The following SELP variants were observed in gnomAD, a reference collection of about 807,000 sequenced individuals.
SELP encodes the protein selectin P.
Under a neutral mutation model 104.1 loss-of-function variants are expected in SELP, and 92 were observed. The observed-to-expected ratio is 0.88, with a 90% CI of 0.75 to 1.05. The LOEUF (loss-of-function observed/expected upper bound fraction) is 1.05. SELP is among the 50% of genes least tolerant of loss of function. The pLI is 0.00. For synonymous variants in SELP, 397 were observed against 364.5 expected, an observed-to-expected ratio of 1.09 and a Z score of -1.01; for missense variants, 1,022 against 1,017.3, an observed-to-expected ratio of 1.00 and a Z score of -0.06.
intron 2 of SELP, 84 bp downstream of exon 2, chr1:169,619,045 C>T (rs1232851641): frequency 8.7e-7 from 1 of 1,151,844 alleles, no homozygotes; most frequent in Non-Finnish European, 1.3e-6. Context: ...AACCAACTGG[C>T]TACAATCCTT....
At chr1:169,601,467 C>T (rs1661908102) in intron 10 of SELP, among the ~76,000 whole-genome samples, 1 of 152,202 alleles carries the variant, frequency 6.6e-6, no homozygotes, top group Admixed American at 6.5e-5. Flanking sequence ...GCTCATTCCA[C>T]AGGAAGGAAT....
intron 3 of SELP, among the ~76,000 whole-genome samples, chr1:169,615,922 T>A (rs538977116): frequency 3.3e-5 from 5 of 152,298 alleles, no homozygotes; most frequent in African/African-American, 9.6e-5. Context: ...AGATGATTTA[T>A]CAAAGAAGCT....
rs774789899 is a variant in SELP at position 169,603,127 on chromosome 1, G to A, written c.1604C>T (p.Thr535Ile). ...QPLGSSSYKS[T>I]CQFICDEGYS... is the part of the protein sequence containing the mutation. ...TCCCTCGTCACAGATGAATTGACAT[G>A]TGGATTTATAACTGGAACTTCCAAG... is the stretch of plus-strand genomic sequence containing the variant. Residue 535 changes from threonine (T) to isoleucine (I), a missense_variant, in exon 10 of 17, where the codon ACA (threonine) becomes ATA (isoleucine). Physicochemically the swap from Thr to Ile is moderately conservative, Grantham distance 89. Coordinates refer to ENST00000263686, the MANE Select transcript of SELP (RefSeq NM_003005.4). 1.2e-6 allele frequency: 2 copies of A among 1,614,078 alleles called. No homozygotes were observed. The highest frequency in any genetic ancestry group is 1.1e-5 in the South Asian group (1 of 91,078).
At chr1:169,597,448 T>A (rs3917803) in intron 10 of SELP, among the ~76,000 whole-genome samples, 34,819 of 151,976 alleles carry the variant, frequency 0.23, 7,177 homozygotes, top group African/African-American at 0.56. Context: ...GAACTTACAA[T>A]GTCACCCTAT....
At chr1:169,596,635 C>T (rs981428787) in intron 11 of SELP, among the ~76,000 whole-genome samples, 1 of 152,214 alleles carries the variant, frequency 6.6e-6, no homozygotes, top group Non-Finnish European at 1.5e-5. Flanking sequence ...TGATGATTGA[C>T]CTCTCTGCAC....
At chr1:169,611,774 G>T (rs748239621) in intron 6 of SELP, 97 bp from the exon 7 acceptor site, 5 of 1,215,892 alleles carry the variant, frequency 4.1e-6, no homozygotes, top group African/African-American at 3.0e-5. Context: ...TGCAGGTGGA[G>T]CTAGCAAGAT....
At chr1:169,615,136 C>T (rs1012855098) in intron 3 of SELP, among the ~76,000 whole-genome samples, 1 of 152,174 alleles carries the variant, frequency 6.6e-6, no homozygotes, top group African/African-American at 2.4e-5. Flanking sequence ...ATGAATAAAT[C>T]TTTTTTCGAT....
At chr1:169,621,093 T>TTG (rs113157169) in intron 1 of SELP, among the ~76,000 whole-genome samples, 11,092 of 90,292 alleles carry the variant, frequency 0.12, 1,063 homozygotes, top group African/African-American at 0.2. Flanking sequence ...TGGTGTGGAG[T>TTG]TGTGTGTGTG....
chr1:169,591,412 C>T lies in SELP; in HGVS notation c.2438+14G>A, dbSNP rs1661348293. 6.4e-7 allele frequency: 1 copy of T among 1,567,722 alleles called. No homozygotes were observed. The highest frequency in any genetic ancestry group is 2.3e-5 in the East Asian group (1 of 43,664). The stretch of plus-strand genomic sequence containing the variant: ...TAGCAAAATTTACTCAATCATAAAA[C>T]ATTTCTACCTTACCTGTGAGGATTC... On this transcript the variant is annotated intron_variant, in intron 15 of 16. Transcript: ENST00000263686.
chr1:169,622,099 C>T (rs1291763808), intron 1 of SELP, among the ~76,000 whole-genome samples: 6 of 152,282 alleles, frequency 3.9e-5, no homozygotes, highest in East Asian at 3.9e-4. Flanking sequence ...AAAATTATAC[C>T]TTTTACTAAT....
intron 1 of SELP, among the ~76,000 whole-genome samples, chr1:169,621,328 G>T (rs1663121258): frequency 6.8e-6 from 1 of 147,374 alleles, no homozygotes; most frequent in African/African-American, 2.5e-5. Flanking sequence ...TCATGTCCTG[G>T]TGATGGATGA....
chr1:169,601,870 C>G (rs976456528), intron 10 of SELP, among the ~76,000 whole-genome samples: 2 of 141,172 alleles, frequency 1.4e-5, no homozygotes, highest in African/African-American at 5.0e-5. Context: ...AATAGGTAGT[C>G]CTACATTAAG....
rs763923613 is a variant in SELP, at chr1:169,617,093, G to A, written c.416C>T (p.Pro139Leu). 1.3e-5 allele frequency: 21 copies of A among 1,613,548 alleles called. No individual in the cohort carries two copies. Among genetic ancestry groups the A allele is most frequent in the African/African-American group, 5.4e-5 (4 of 74,734 alleles). Reference sequence around the variant, plus strand: ...ATCATTCCACTTGCCAGGGGCTGACGGACTCTTGATGTATATCTCCACGCA... The same window carrying A: ...ATCATTCCACTTGCCAGGGGCTGACAGACTCTTGATGTATATCTCCACGCA... ...EDCVEIYIKSPSAPGKWNDEH... is the reference protein window; with the variant it reads ...EDCVEIYIKSLSAPGKWNDEH... The change falls in exon 3 of 17, where the codon CCG becomes CTG. Residue 139 changes from proline (P) to leucine (L), a missense_variant. Coordinates refer to ENST00000263686, the MANE Select transcript of SELP (RefSeq NM_003005.4).
intron 1 of SELP, among the ~76,000 whole-genome samples, chr1:169,626,496 G>T (rs756217851): frequency 2.0e-5 from 3 of 152,198 alleles, no homozygotes; most frequent in Admixed American, 6.5e-5. Context: ...CAGGAGAATC[G>T]CTTGAACCCA....
intron 1 of SELP, among the ~76,000 whole-genome samples, chr1:169,620,685 T>G (rs563336751): frequency 2.4e-4 from 37 of 152,050 alleles, no homozygotes; most frequent in African/African-American, 8.0e-4. Flanking sequence ...TCGTGTGTCA[T>G]GCCCCAGTGA....
Position 169,617,011 on chromosome 1 carries a change from A to G in SELP, c.481+17T>C, listed in dbSNP as rs1388130869. On this transcript the variant is annotated intron_variant, in intron 3 of 16. Coordinates refer to ENST00000263686, the MANE Select transcript of SELP (RefSeq NM_003005.4). ...TTTTTTTTTAACAGGAAAGTTTCAA[A>G]GTAGAGAAGGCCCTACCTGTGTAAC... The G allele has an allele frequency of 4.6e-6, 7 of 1,537,570 alleles. No homozygotes were observed. In the African/African-American group the frequency reaches 8.4e-5, roughly 18 times the overall value.
chr1:169,597,970 T>A (rs939280742), intron 10 of SELP, among the ~76,000 whole-genome samples: 12 of 152,200 alleles, frequency 7.9e-5, no homozygotes, highest in Non-Finnish European at 1.8e-4. Context: ...ACTGATGTGC[T>A]GTCATGTCCC....
chr1:169,596,734 G>T, intron 11 of SELP, among the ~76,000 whole-genome samples: 1 of 152,232 alleles, frequency 6.6e-6, no homozygotes, highest in East Asian at 1.9e-4. Flanking sequence ...AGACCATTCC[G>T]TTCACTCAAC....
rs532642059 is a variant in SELP, at chr1:169,626,403, G to C, written c.3+3669C>G. ...TCAAGACCAGCCTTGCCAACATGGCGAAACCAACTCCACTAAAAAATACAA... is the reference window on the plus strand; with the variant it reads ...TCAAGACCAGCCTTGCCAACATGGCCAAACCAACTCCACTAAAAAATACAA... On this transcript the variant is annotated intron_variant, in intron 1 of 16. Transcript: ENST00000263686. Among the ~76,000 whole-genome samples, 6 of 152,294 alleles carry C rather than the reference G, an allele frequency of 3.9e-5. 1 individual carries two copies. Among genetic ancestry groups the C allele is most frequent in the African/African-American group, 9.6e-5 (4 of 41,552 alleles).
Sources: allele counts gnomAD v4.1 joint callset (sites outside exome capture counted in the v4.1 genomes callset), GRCh38; gene constraint gnomAD v4.1.1; transcripts MANE v1.5; gene names NCBI Gene and HGNC (gene_info 2026-07-23, HGNC 2026-07-21).